Variants in TSNARE1 observed in about 807,000 individuals in gnomAD.
TSNARE1 encodes t-SNARE domain-containing protein 1.
TSNARE1 carries 49 observed loss-of-function variants against 62.0 expected under a neutral mutation model. That is an observed-to-expected ratio of 0.79 (90% confidence interval 0.63 to 1.00). TSNARE1 has a LOEUF of 1.00. Ranked by LOEUF, TSNARE1 falls within the 50% of genes least tolerant of loss-of-function variation. The pLI, the probability that TSNARE1 is intolerant of heterozygous loss-of-function variation, is 0.00. For missense variants in TSNARE1, 755 were observed against 700.1 expected, an observed-to-expected ratio of 1.08 and a Z score of -0.88; for synonymous variants, 328 against 294.4, an observed-to-expected ratio of 1.11 and a Z score of -1.17.
intron 1 of TSNARE1, among the ~76,000 whole-genome samples, chr8:142,365,627 CACACACAGAGAG>C (rs1426682927): frequency 2.7e-5 from 4 of 149,508 alleles, no homozygotes; most frequent in African/African-American, 1.0e-4. Flanking sequence ...CACACACACA[CACACACAGAGAG>C]AGAGAGGGGA....
At chr8:142,367,060 T>C (rs1216267026) in intron 1 of TSNARE1, among the ~76,000 whole-genome samples, 1 of 152,092 alleles carries the variant, frequency 6.6e-6, no homozygotes, top group Non-Finnish European at 1.5e-5. Flanking sequence ...AAATTTAACA[T>C]GAAATGGGAA....
chr8:142,259,659 C>T (rs938783563), intron 12 of TSNARE1, among the ~76,000 whole-genome samples: 39 of 152,184 alleles, frequency 2.6e-4, no homozygotes, highest in South Asian at 6.2e-4. Context: ...TCCTTCGCCC[C>T]GGACACAGGC....
intron 9 of TSNARE1, among the ~76,000 whole-genome samples, chr8:142,310,973 T>A (rs897036477): frequency 6.6e-6 from 1 of 152,028 alleles, no homozygotes. Flanking sequence ...CTCAGCCTCC[T>A]GAGTAGCTGG....
At chr8:142,216,944 G>C (rs28640269) in intron 13 of TSNARE1, among the ~76,000 whole-genome samples, 4 of 151,930 alleles carry the variant, frequency 2.6e-5, no homozygotes, top group Admixed American at 6.6e-5. Context: ...GTGAACAGTC[G>C]TGGAGAAACT....
At chr8:142,320,261 C>A (rs1829280916) in intron 6 of TSNARE1, among the ~76,000 whole-genome samples, 1 of 152,202 alleles carries the variant, frequency 6.6e-6, no homozygotes, top group Non-Finnish European at 1.5e-5. Flanking sequence ...CATCTCATTC[C>A]GGTCAAAGCC....
rs558818558 is a variant in TSNARE1, at chr8:142,354,736, T to C, written c.-12A>G. 2.5e-6 allele frequency: 4 copies of C among 1,610,200 alleles called. No individual in the cohort carries two copies. Among genetic ancestry groups the C allele is most frequent in the African/African-American group, 1.3e-5 (1 of 74,804 alleles). On this transcript the variant is annotated 5_prime_UTR_variant, in exon 2 of 14. Coordinates refer to ENST00000524325, the MANE Select transcript of TSNARE1 (RefSeq NM_145003.5). Reference sequence around the variant, plus strand: ...GATCCGTATGACATCTTCTTACAGATGGCAGGGCCAGCAGCCTCCACACTG... The same window carrying C: ...GATCCGTATGACATCTTCTTACAGACGGCAGGGCCAGCAGCCTCCACACTG...
At chr8:142,327,137 T>G (rs1346542173) in intron 6 of TSNARE1, among the ~76,000 whole-genome samples, 3 of 152,106 alleles carry the variant, frequency 2.0e-5, no homozygotes, top group Non-Finnish European at 1.5e-5. Context: ...CAGGTGAAAA[T>G]CTACACCCAC....
At chr8:142,275,180 T>C in intron 11 of TSNARE1, 1 of 985,226 alleles carries the variant, frequency 1.0e-6, no homozygotes, top group South Asian at 4.7e-5. Context: ...TGGGGTCAAG[T>C]CCTGCTCTGT....
chr8:142,257,774 C>T (rs568314729), intron 12 of TSNARE1, among the ~76,000 whole-genome samples: 8 of 152,228 alleles, frequency 5.3e-5, no homozygotes, highest in South Asian at 4.1e-4. Context: ...GCCAGGCCAC[C>T]CCTGCCAGAC....
intron 1 of TSNARE1, among the ~76,000 whole-genome samples, chr8:142,372,383 G>C (rs1835975223): frequency 6.6e-6 from 1 of 152,212 alleles, no homozygotes; most frequent in Non-Finnish European, 1.5e-5. Flanking sequence ...GAAGGGAAGG[G>C]AAGAGCTGGA....
intron 1 of TSNARE1, among the ~76,000 whole-genome samples, chr8:142,368,860 G>A (rs1231842109): frequency 1.3e-5 from 2 of 152,228 alleles, no homozygotes; most frequent in African/African-American, 4.8e-5. Context: ...CAGTGGCTAA[G>A]GAAGGGTCAA....
chr8:142,260,027 C>T (rs1563785802), intron 12 of TSNARE1, among the ~76,000 whole-genome samples: 1 of 151,818 alleles, frequency 6.6e-6, no homozygotes, highest in Non-Finnish European at 1.5e-5. Flanking sequence ...CTCTGCACTC[C>T]CCCAGCCCGC....
At chr8:142,229,444 G>C (rs2130069505) in intron 13 of TSNARE1, 29 bp downstream of exon 13, 1 of 1,540,234 alleles carries the variant, frequency 6.5e-7, no homozygotes, top group Non-Finnish European at 9.0e-7. Context: ...CAGATGAATG[G>C]ATGGTGTACG....
chr8:142,253,018 C>T (rs927283320), intron 12 of TSNARE1, among the ~76,000 whole-genome samples: 50 of 152,338 alleles, frequency 3.3e-4, no homozygotes, highest in Admixed American at 2.2e-3. Context: ...GCCCTGCCCA[C>T]GTCCCCTCCC....
chr8:142,249,364 G>C (rs1262050126), intron 12 of TSNARE1, among the ~76,000 whole-genome samples: 2 of 152,166 alleles, frequency 1.3e-5, no homozygotes, highest in African/African-American at 4.8e-5. Context: ...GGCTGCCGAG[G>C]CCAGCGTGTG....
chr8:142,279,316 G>T (rs534277406), intron 11 of TSNARE1, among the ~76,000 whole-genome samples: 1 of 152,342 alleles, frequency 6.6e-6, no homozygotes, highest in East Asian at 1.9e-4. Flanking sequence ...CAGGCCTCCG[G>T]CCACACGACA....
chr8:142,347,430 A>G (rs182496307), intron 2 of TSNARE1, among the ~76,000 whole-genome samples: 1 of 152,278 alleles, frequency 6.6e-6, no homozygotes, highest in African/African-American at 2.4e-5. Flanking sequence ...CCAAGAGGGC[A>G]GGGCCTGTCC....
At chr8:142,277,612 C>T (rs1300986501) in intron 11 of TSNARE1, 3 of 985,330 alleles carry the variant, frequency 3.0e-6, no homozygotes, top group Non-Finnish European at 3.6e-6. Flanking sequence ...AAGTCTGGCC[C>T]TGTCCTAAGC....
At chr8:142,403,710 G>A (rs985384621), upstream of TSNARE1, 1 of 152,248 alleles carries the variant, frequency 6.6e-6, no homozygotes, top group African/African-American at 2.4e-5. Context: ...TGTCACCAAC[G>A]AGGAAACTGA....
Sources: allele counts gnomAD v4.1 joint callset (sites outside exome capture counted in the v4.1 genomes callset), GRCh38; gene constraint gnomAD v4.1.1; transcripts MANE v1.5; gene names NCBI Gene and HGNC (gene_info 2026-07-23, HGNC 2026-07-21).